Variants in ZBTB47 observed in about 807,000 individuals in gnomAD.
ZBTB47 encodes zinc finger and BTB domain containing 47.
ZBTB47 carries 24 observed loss-of-function variants against 56.6 expected under a neutral mutation model. The ratio of observed to expected loss-of-function variants is 0.42; its 90% CI spans 0.31 to 0.60. The LOEUF is 0.60. Among genes scored for constraint, ZBTB47 ranks in the 20% least tolerant of loss-of-function variants. The pLI, the probability that ZBTB47 is intolerant of heterozygous loss-of-function variation, is 0.14. For synonymous variants in ZBTB47, 414 were observed against 418.9 expected (o/e 0.99, Z 0.14); for missense variants, 829 against 1,032.6 (o/e 0.80, Z 2.70).
chr3:42,658,630 C>G lies in ZBTB47; in HGVS notation c.275C>G (p.Ala92Gly). 6.5e-7 allele frequency: 1 copy of G among 1,536,912 alleles called. No individual in the cohort carries two copies. Among genetic ancestry groups the G allele is most frequent in the Non-Finnish European group, 8.7e-7 (1 of 1,146,930 alleles). Residue 92 changes from alanine (A) to glycine (G), a missense_variant, in exon 2 of 6, where the codon GCC (alanine) becomes GGC (glycine). By Grantham distance (60) the Ala-to-Gly change is moderately conservative (BLOSUM62 0). This residue lies in a region of ZBTB47 where 120 missense variants were observed against 200.2 expected (regional missense o/e 0.60). Transcript: ENST00000232974. Reference sequence around the variant, plus strand: ...GCCAACGTCCACGAGGTGCTCAGCGCCGCCTCATTGCTGCAGATGGCTGAC... The same window carrying G: ...GCCAACGTCCACGAGGTGCTCAGCGGCGCCTCATTGCTGCAGATGGCTGAC... ...NAANVHEVLSAASLLQMADIA... is the reference protein window; with the variant it reads ...NAANVHEVLSGASLLQMADIA...
chr3:42,659,456 C>T lies in ZBTB47; in HGVS notation c.1101C>T (p.Ser367=). ...AGGGGCCACGGGGAAGCCGAAGCAG[C>T]CGGGCAGACCCCCCTCCCCACAGTC... ...GKQGPRGSRS[S]RADPPPHSHM... Residue 367 remains serine, a synonymous_variant, in exon 2 of 6, where the codon AGC becomes AGT. Transcript: ENST00000232974. 6.7e-7 allele frequency: 1 copy of T among 1,502,808 alleles called. No individual in the cohort carries two copies. The highest frequency in any genetic ancestry group is 8.8e-7 in the Non-Finnish European group (1 of 1,132,672). The allele number at this position is 1,502,808 out of a possible 1,614,324, so 93.1% of individuals were successfully genotyped here.
chr3:42,666,314 G>T lies in ZBTB47; in HGVS notation c.*1716G>T, dbSNP rs1252252187. Among the ~76,000 whole-genome samples the T allele has an allele frequency of 6.6e-6, 1 of 152,152 alleles. No homozygotes were observed. The highest frequency in any genetic ancestry group is 1.5e-5 in the Non-Finnish European group (1 of 68,046). ...TACGCTCAGGCGCTCCTGCTGTCCT[G>T]GGGGAGAGAAGGTTCGCCCCTCCCC... On this transcript the variant is annotated 3_prime_UTR_variant, in exon 6 of 6. Transcript: ENST00000232974.
Position 42,663,946 on chromosome 3 carries a change from G to A in ZBTB47, c.1882+5G>A, listed in dbSNP as rs559150993. The A allele has an allele frequency of 1.9e-6, 3 of 1,607,500 alleles. No homozygotes were observed. Among genetic ancestry groups the A allele is most frequent in the South Asian group, 2.2e-5 (2 of 90,296 alleles). On this transcript the variant is annotated splice_donor_5th_base_variant and intron_variant, in intron 5 of 5. Transcript: ENST00000232974. This position sits in a 1 kb window ranked among gnomAD's most constrained non-coding sequence, Gnocchi z 5.1. ...AGCACATGAAGACCCACACAGGTGC[G>A]GCTGCCCCTGGGGACGGAGCTCGGT...
rs980758414 is a variant in ZBTB47, at chr3:42,658,418, G to A, written c.63G>A (p.Leu21=). Residue 21 remains leucine (L), a synonymous_variant, in exon 2 of 6, where the codon CTG becomes CTA. Transcript: ENST00000232974. ...ACCTCTGCGACGTGGACTTGGTGCTGGTGCCCCAGCGCAGCGTCTTTCCGG... is the reference window on the plus strand; with the variant it reads ...ACCTCTGCGACGTGGACTTGGTGCTAGTGCCCCAGCGCAGCGTCTTTCCGG... ...QPDLCDVDLV[L]VPQRSVFPAH... is the part of the protein sequence containing the mutation. 2.6e-6 allele frequency: 4 copies of A among 1,537,006 alleles called. No homozygotes were observed. Among genetic ancestry groups the A allele is most frequent in the Non-Finnish European group, 3.5e-6 (4 of 1,146,924 alleles).
In ZBTB47 at chr3:42,656,351, G is replaced by A. The variant is rs1269925603; in HGVS notation, c.-81-1924G>A. On this transcript the variant is annotated intron_variant, in intron 1 of 5. Coordinates refer to ENST00000232974, the MANE Select transcript of ZBTB47 (RefSeq NM_145166.4). This position sits in a 1 kb window ranked among gnomAD's most constrained non-coding sequence, Gnocchi z 5.8. ...GCAAGGAAGGGGTGGTCTTAGCGGA[G>A]CTGGGAGTCCAGGGGCTCTGGACTG... Among the ~76,000 whole-genome samples, 1 of 152,224 alleles carries A rather than the reference G, an allele frequency of 6.6e-6. No homozygotes were observed. The highest frequency in any genetic ancestry group is 2.4e-5 in the African/African-American group (1 of 41,464).
intron 3 of ZBTB47, 28 bp from the exon 4 acceptor site, chr3:42,662,984 C>G: frequency 6.4e-7 from 1 of 1,568,922 alleles, no homozygotes; most frequent in South Asian, 1.1e-5. Context: ...GCCCGTAAAA[C>G]ATGATGGCCC....
At chr3:42,660,266 T>G (rs1272758601) in intron 2 of ZBTB47, among the ~76,000 whole-genome samples, 2 of 152,186 alleles carry the variant, frequency 1.3e-5, no homozygotes, top group Non-Finnish European at 2.9e-5. Flanking sequence ...TCACAGGTTG[T>G]GCACTGCAGC....
Position 42,659,633 on chromosome 3 carries a change from C to T in ZBTB47, c.1278C>T (p.Ala426=). 6.2e-7 allele frequency: 1 copy of T among 1,611,308 alleles called. No homozygotes were observed. The highest frequency in any genetic ancestry group is 8.5e-7 in the Non-Finnish European group (1 of 1,178,942). Residue 426 remains alanine (A), a synonymous_variant, in exon 2 of 6, where the codon GCC becomes GCT. Transcript: ENST00000232974. ...RGPPATDGLG[A]KVKLEEKQHH... is the part of the protein sequence containing the mutation. ...CGCCAGCCACTGATGGGCTGGGGGC[C>T]AAGGTGAAGCTGGAGGAGAAGCAGC...
chr3:42,660,316 A>G (rs1710699133), intron 2 of ZBTB47, among the ~76,000 whole-genome samples: 1 of 152,236 alleles, frequency 6.6e-6, no homozygotes, highest in Non-Finnish European at 1.5e-5. Flanking sequence ...GCCCAGAGGG[A>G]TGCCATCCTC....
Position 42,654,266 on chromosome 3 carries a change from A to G in ZBTB47, c.-82+383A>G, listed in dbSNP as rs1001893601. Reference sequence around the variant, plus strand: ...GCACGGGAGGGTGGGGCCGGGGTCTATCTGCTCGGATATGAGCAGTGGGGA... The same window carrying G: ...GCACGGGAGGGTGGGGCCGGGGTCTGTCTGCTCGGATATGAGCAGTGGGGA... On this transcript the variant is annotated intron_variant, in intron 1 of 5. Transcript: ENST00000232974. The surrounding 1 kb of genome is among the most constrained non-coding windows in gnomAD (Gnocchi z 5.0). The G allele has an allele frequency of 2.1e-5, 3 of 139,538 alleles. No homozygotes were observed. Among genetic ancestry groups the G allele is most frequent in the African/African-American group, 8.1e-5 (3 of 36,892 alleles). 8.6% of individuals were successfully genotyped at this position (139,538 alleles called of 1,614,324 possible).
Position 42,659,283 on chromosome 3 carries a change from A to T in ZBTB47, c.928A>T (p.Ser310Cys). ...REEEEEEEGG[S>C]QGEEEEEEED... Reference sequence around the variant, plus strand: ...GGAGGAGGAGGAGGAAGAGGGTGGCAGTCAGGGAGAAGAGGAAGAAGAGGA... The same window carrying T: ...GGAGGAGGAGGAGGAAGAGGGTGGCTGTCAGGGAGAAGAGGAAGAAGAGGA... Residue 310 changes from serine to cysteine, a missense_variant, in exon 2 of 6, where the codon AGT becomes TGT. Coordinates refer to ENST00000232974, the MANE Select transcript of ZBTB47 (RefSeq NM_145166.4). 6.7e-7 allele frequency: 1 copy of T among 1,500,940 alleles called. No homozygotes were observed. 93.0% of individuals were successfully genotyped at this position (1,500,940 alleles called of 1,614,324 possible). A position where few individuals can be genotyped will look rare whatever the true frequency, so the allele number is the denominator to read the frequency against.
In ZBTB47 at chr3:42,667,506, C is replaced by A. The variant is rs1191485827; in HGVS notation, c.*2908C>A. Among the ~76,000 whole-genome samples the A allele has an allele frequency of 6.6e-6, 1 of 152,230 alleles. No homozygotes were observed. The highest frequency in any genetic ancestry group is 2.4e-5 in the African/African-American group (1 of 41,464). On this transcript the variant is annotated 3_prime_UTR_variant, in exon 6 of 6. Coordinates refer to ENST00000232974, the MANE Select transcript of ZBTB47 (RefSeq NM_145166.4). Reference sequence around the variant, plus strand: ...GACAACTGCTCGTGTACAGGCACCCCACAGCCCCAGAGCATGGGGCACAGC... The same window carrying A: ...GACAACTGCTCGTGTACAGGCACCCAACAGCCCCAGAGCATGGGGCACAGC...
At position 42,659,644 on chromosome 3, in the gene ZBTB47, TGGA is replaced by T. The variant is rs1198633946; in HGVS notation, c.1294_1296del (p.Glu432del). 6.2e-7 allele frequency: 1 copy of T among 1,611,866 alleles called. No homozygotes were observed. The highest frequency in any genetic ancestry group is 8.5e-7 in the Non-Finnish European group (1 of 1,179,220). On this transcript the variant is annotated inframe_deletion, in exon 2 of 6. Coordinates refer to ENST00000232974, the MANE Select transcript of ZBTB47 (RefSeq NM_145166.4). ...GATGGGCTGGGGGCCAAGGTGAAGC[TGGA>T]GGAGAAGCAGCACCATCCATGCCAG...
At position 42,659,425 on chromosome 3, in the gene ZBTB47, GC is replaced by G; in HGVS notation, c.1071del (p.Lys358SerfsTer71). On this transcript the variant is annotated frameshift_variant, in exon 2 of 6. Coordinates refer to ENST00000232974, the MANE Select transcript of ZBTB47 (RefSeq NM_145166.4). LOFTEE classifies it high-confidence loss of function. ...EEEGEEGEAG[G>X]KQGPRGSRSS... ...GAGGGGGAGGAGGGGGAGGCTGGGG[GC>G]AAGCAGGGGCCACGGGGAAGCCGAA... The G allele has an allele frequency of 1.4e-6, 1 of 717,654 alleles. No individual in the cohort carries two copies. Among genetic ancestry groups the G allele is most frequent in the South Asian group, 1.9e-5 (1 of 52,630 alleles). The allele number at this position is 717,654 out of a possible 1,614,324, so 44.5% of individuals were successfully genotyped here. A position where few individuals can be genotyped will look rare whatever the true frequency, so the allele number is the denominator to read the frequency against.
At position 42,659,557 on chromosome 3, in the gene ZBTB47, G is replaced by T; in HGVS notation, c.1202G>T (p.Gly401Val). The T allele has an allele frequency of 6.3e-7, 1 of 1,584,092 alleles. No individual in the cohort carries two copies. Among genetic ancestry groups the T allele is most frequent in the Middle Eastern group, 1.7e-4 (1 of 5,896 alleles). The part of the protein sequence containing the change: ...PEPEEAGRRG[G>V]KRPKPPPGVA... ...CCTGAAGAAGCTGGGCGGCGGGGTG[G>T]GAAGAGGCCAAAGCCACCCCCTGGA... is the stretch of plus-strand genomic sequence containing the variant. Residue 401 changes from glycine to valine, a missense_variant, in exon 2 of 6, where the codon GGG becomes GTG. This residue lies in a region of ZBTB47 where 359 missense variants were observed against 359.8 expected (regional missense o/e 1.00). Coordinates refer to ENST00000232974, the MANE Select transcript of ZBTB47 (RefSeq NM_145166.4).
Position 42,659,202 on chromosome 3 carries a change from G to A in ZBTB47, c.847G>A (p.Asp283Asn), listed in dbSNP as rs1342947661. The A allele has an allele frequency of 1.6e-5, 25 of 1,526,280 alleles. No homozygotes were observed. Among genetic ancestry groups the A allele is most frequent in the Middle Eastern group, 1.7e-4 (1 of 5,740 alleles). 94.5% of individuals were successfully genotyped at this position (1,526,280 alleles called of 1,614,324 possible). A position where few individuals can be genotyped will look rare whatever the true frequency, so the allele number is the denominator to read the frequency against. The change falls in exon 2 of 6, where the codon GAC becomes AAC. Residue 283 changes from aspartate (D) to asparagine (N), a missense_variant. Transcript: ENST00000232974. The part of the protein sequence containing the change: ...QRHSDEEEED[D>N]EEEEEEEEEE... ...ACACTCGGACGAGGAGGAGGAGGAC[G>A]ACGAGGAGGAGGAGGAGGAAGAAGA...
chr3:42,664,186 G>T (rs1431056754), intron 5 of ZBTB47, 51 bp from the exon 6 acceptor site: 5 of 1,600,240 alleles, frequency 3.1e-6, no homozygotes, highest in East Asian at 4.5e-5. Flanking sequence ...GCCCCAGACT[G>T]GGGTGTGGCG....
intron 3 of ZBTB47, among the ~76,000 whole-genome samples, chr3:42,662,173 A>T (rs1710729168): frequency 6.6e-6 from 1 of 152,142 alleles, no homozygotes; most frequent in African/African-American, 2.4e-5. Flanking sequence ...AAGGCTGCCC[A>T]CCTGCTGTAT....
At chr3:42,661,027 C>G (rs762611341) in intron 2 of ZBTB47, among the ~76,000 whole-genome samples, 20 of 152,176 alleles carry the variant, frequency 1.3e-4, no homozygotes, top group Non-Finnish European at 2.6e-4. Flanking sequence ...GGGACTCATC[C>G]TCTTGGCGAT....
Sources: gnomAD v4.1 joint callset for allele counts (sites outside exome capture counted in the v4.1 genomes callset) on GRCh38, gnomAD v4.1.1 for gene constraint, gnomAD v4.1.1 regional missense constraint, Gnocchi (gnomAD v3.1) non-coding constraint, MANE v1.5 for transcripts, NCBI Gene and HGNC (gene_info 2026-07-23, HGNC 2026-07-21) for gene names.